MAPK10: variants seen among roughly 807,000 people sequenced by gnomAD.
MAPK10 encodes the protein JNK3 alpha protein kinase.
A neutral mutation model predicts 59.3 loss-of-function variants in MAPK10; 25 were observed. That is an observed-to-expected ratio of 0.42 (90% CI 0.31 to 0.59). The LOEUF is 0.59. MAPK10 is among the 20% of genes least tolerant of loss of function. The pLI, the probability that MAPK10 is intolerant of heterozygous loss-of-function variation, is 0.15. For missense variants in MAPK10, 351 were observed against 568.9 expected (o/e 0.62, Z 3.90); for synonymous variants, 190 against 200.5 (o/e 0.95, Z 0.44).
intron 2 of MAPK10, among the ~76,000 whole-genome samples, chr4:86,225,970 T>A (rs1392544361): frequency 6.6e-6 from 1 of 152,162 alleles, no homozygotes; most frequent in East Asian, 1.9e-4. Flanking sequence ...AAAAAGAAAG[T>A]AGATATAGAC....
chr4:86,093,411 T>TTGAAAATTATTTGTTATAATTTTTA lies in MAPK10; in HGVS notation c.802+5088_802+5112dup, dbSNP rs1354271674. On this transcript the variant is annotated intron_variant, in intron 9 of 13. Transcript: ENST00000641462. ...AGTTTTCTAAAATCAGAACATTTCT[T>TTGAAAATTATTTGTTATAATTTTTA]TGAAAATTATTTGTTATAATTTTTA... Among the ~76,000 whole-genome samples, 191 of 152,062 alleles carry TTGAAAATTATTTGTTATAATTTTTA rather than the reference T, an allele frequency of 1.3e-3. 4 individuals carry two copies. In the East Asian group the frequency reaches 0.034, roughly 27 times the overall value.
intron 4 of MAPK10, among the ~76,000 whole-genome samples, chr4:86,157,860 C>G (rs1193267247): frequency 6.6e-6 from 1 of 151,986 alleles, no homozygotes; most frequent in African/African-American, 2.4e-5. Context: ...TTTTCTTTCA[C>G]TGACAGTACT....
intron 1 of MAPK10, among the ~76,000 whole-genome samples, chr4:86,379,193 T>A (rs1362668945): frequency 6.6e-6 from 1 of 152,150 alleles, no homozygotes; most frequent in Non-Finnish European, 1.5e-5. Context: ...CCTCCTTAAG[T>A]CCCGGCCTAG....
At chr4:86,146,735 C>T (rs116767109) in intron 4 of MAPK10, among the ~76,000 whole-genome samples, 1,529 of 152,302 alleles carry the variant, frequency 0.01, 23 homozygotes, top group African/African-American at 0.035. Flanking sequence ...TCCACCTCCA[C>T]CTGATAAATG....
intron 5 of MAPK10, among the ~76,000 whole-genome samples, chr4:86,105,887 C>T (rs551524753): frequency 6.6e-6 from 1 of 152,060 alleles, no homozygotes; most frequent in South Asian, 2.1e-4. Flanking sequence ...ACCTATCCCA[C>T]CATACACTGA....
chr4:86,243,882 A>G (rs973935402), intron 2 of MAPK10, among the ~76,000 whole-genome samples: 1 of 152,058 alleles, frequency 6.6e-6, no homozygotes, highest in Non-Finnish European at 1.5e-5. Flanking sequence ...AACCACTAGA[A>G]TGTAAGTTTC....
intron 2 of MAPK10, among the ~76,000 whole-genome samples, chr4:86,287,199 G>C (rs543198673): frequency 2.0e-5 from 3 of 152,062 alleles, no homozygotes; most frequent in Admixed American, 6.6e-5. Context: ...AATAAATCTA[G>C]CATTTTACCT....
intron 2 of MAPK10, among the ~76,000 whole-genome samples, chr4:86,314,995 A>C (rs1244637259): frequency 6.6e-6 from 1 of 152,038 alleles, no homozygotes; most frequent in Non-Finnish European, 1.5e-5. Context: ...TTAATGTTTA[A>C]AATACTTTTA....
intron 8 of MAPK10, 43 bp from the exon 9 acceptor site, chr4:86,098,638 T>G: frequency 7.2e-7 from 1 of 1,393,750 alleles, no homozygotes; most frequent in Non-Finnish European, 1.0e-6. Context: ...GGGAGGAAAG[T>G]AAAGTTAACT....
chr4:86,246,359 A>G (rs1003473195), intron 2 of MAPK10, among the ~76,000 whole-genome samples: 4 of 152,190 alleles, frequency 2.6e-5, no homozygotes, highest in Non-Finnish European at 5.9e-5. Flanking sequence ...TGAACCCATG[A>G]GGCGGAGCTT....
At chr4:86,385,328 T>C (rs1158031994) in intron 1 of MAPK10, among the ~76,000 whole-genome samples, 2 of 152,198 alleles carry the variant, frequency 1.3e-5, no homozygotes, top group Non-Finnish European at 2.9e-5. Context: ...ACAACCATTG[T>C]TAATTTACCA....
chr4:86,428,557 T>A (rs185863223), intron 1 of MAPK10, among the ~76,000 whole-genome samples: 45 of 152,194 alleles, frequency 3.0e-4, no homozygotes, highest in Non-Finnish European at 5.9e-4. Flanking sequence ...AAAACTAAGA[T>A]GGATAGATAG....
At chr4:86,328,676 A>G (rs1003616957) in intron 2 of MAPK10, among the ~76,000 whole-genome samples, 1 of 152,210 alleles carries the variant, frequency 6.6e-6, no homozygotes, top group Non-Finnish European at 1.5e-5. Flanking sequence ...CAGCCATAAC[A>G]AAGGATGAGT....
intron 2 of MAPK10, among the ~76,000 whole-genome samples, chr4:86,299,435 G>T (rs769190721): frequency 3.9e-5 from 6 of 152,274 alleles, no homozygotes; most frequent in Middle Eastern, 3.4e-3. Flanking sequence ...TTATAACAGA[G>T]TCTGGAGAGA....
chr4:86,154,289 G>A (rs115577630), intron 4 of MAPK10, among the ~76,000 whole-genome samples: 3,587 of 152,064 alleles, frequency 0.024, 144 homozygotes, highest in African/African-American at 0.081. Context: ...GTGAAATTGT[G>A]CTGCAGATTT....
intron 2 of MAPK10, among the ~76,000 whole-genome samples, chr4:86,333,431 A>T (rs1218923961): frequency 6.6e-6 from 1 of 152,002 alleles, no homozygotes; most frequent in Non-Finnish European, 1.5e-5. Context: ...CATCATCTAC[A>T]CTACACTACT....
intron 4 of MAPK10, among the ~76,000 whole-genome samples, chr4:86,142,502 G>A (rs1028438394): frequency 6.6e-6 from 1 of 152,102 alleles, no homozygotes. Context: ...ATAGGTCTTG[G>A]GAAAACAGGG....
chr4:86,419,956 T>C (rs1746304255), intron 1 of MAPK10, among the ~76,000 whole-genome samples: 2 of 152,222 alleles, frequency 1.3e-5, no homozygotes, highest in Non-Finnish European at 2.9e-5. Flanking sequence ...CATTTTGTTC[T>C]CAAAATAGAT....
chr4:86,548,562 T>C (rs1759472257), intron 1 of MAPK10, among the ~76,000 whole-genome samples: 1 of 152,234 alleles, frequency 6.6e-6, no homozygotes, highest in South Asian at 2.1e-4. Flanking sequence ...GGTTGGTTTC[T>C]AATGGTTTAT....
Sources: gnomAD v4.1 joint callset for allele counts (sites outside exome capture counted in the v4.1 genomes callset) on GRCh38, gnomAD v4.1.1 for gene constraint, MANE v1.5 for transcripts, NCBI Gene and HGNC (gene_info 2026-07-23, HGNC 2026-07-21) for gene names.